The following SLC16A13 variants were observed in gnomAD, a reference collection of about 807,000 sequenced individuals.
SLC16A13 encodes the protein solute carrier family 16 member 13, also known as monocarboxylate transporter 13.
A neutral mutation model predicts 28.1 loss-of-function variants in SLC16A13; 28 were observed. The observed-to-expected ratio is 1.00, with a 90% CI of 0.74 to 1.37. The LOEUF is 1.37. SLC16A13 is among the 40% of genes most tolerant of loss of function. The probability of loss-of-function intolerance (pLI) is 0.00; values close to 1 mark genes in which losing one functional copy is unlikely to be tolerated. For missense variants in SLC16A13, 482 were observed against 531.8 expected (o/e 0.91, Z 0.92); for synonymous variants, 228 against 241.6 (o/e 0.94, Z 0.52).
In SLC16A13 at chr17:7,038,263, C is replaced by G. The variant is rs746404092; in HGVS notation, c.455C>G (p.Ser152Cys). 5 of 1,614,084 alleles carry G rather than the reference C, an allele frequency of 3.1e-6. No homozygotes were observed. In the East Asian group the frequency reaches 8.9e-5, roughly 29 times the overall value. ...GLALTGVGLS[S>C]FTFAPFFQWL... is the part of the protein sequence containing the mutation. The stretch of plus-strand genomic sequence containing the variant: ...GCACTGACAGGCGTGGGCCTCTCCT[C>G]CTTCACATTTGCCCCCTTTTTCCAG... Residue 152 changes from serine (S) to cysteine (C), a missense_variant, in exon 3 of 4, where the codon TCC (serine) becomes TGC (cysteine). By Grantham distance (112) the Ser-to-Cys change is moderately radical. Coordinates refer to ENST00000308027, the MANE Select transcript of SLC16A13 (RefSeq NM_201566.3). The surrounding 1 kb of genome is among the most constrained non-coding windows in gnomAD (Gnocchi z 5.7).
rs1402071237 is a variant in SLC16A13, at chr17:7,038,559, G to C, written c.751G>C (p.Ala251Pro). ...GGACCTGGATTGGGACCCACTACCT[G>C]CTGCCTTCCTACTCTCAGTTGTTGC... ...LQDLDWDPLP[A>P]AFLLSVVAIS... The change falls in exon 3 of 4, where the codon GCT becomes CCT. Residue 251 changes from alanine (A) to proline (P), a missense_variant. Transcript: ENST00000308027. This position sits in a 1 kb window ranked among gnomAD's most constrained non-coding sequence, Gnocchi z 5.7. The C allele has an allele frequency of 1.2e-6, 2 of 1,614,214 alleles. No individual in the cohort carries two copies. The highest frequency in any genetic ancestry group is 1.7e-6 in the Non-Finnish European group (2 of 1,180,048).
chr17:7,036,908 A>G (rs1392513372), intron 2 of SLC16A13, 38 bp downstream of exon 2: 2 of 1,600,880 alleles, frequency 1.2e-6, no homozygotes, highest in East Asian at 2.2e-5. Flanking sequence ...TCAAATGCTT[A>G]GATCGTTGGA....
chr17:7,039,697 G>GT lies in SLC16A13; in HGVS notation c.1082-65dup. On this transcript the variant is annotated intron_variant, in intron 3 of 3. Coordinates refer to ENST00000308027, the MANE Select transcript of SLC16A13 (RefSeq NM_201566.3). This position sits in a 1 kb window ranked among gnomAD's most constrained non-coding sequence, Gnocchi z 4.3. ...ATAAGTCTTCCCTCCACCCAAAAAT[G>GT]TATCTGAGCCCTCAGCCCCAGCAAA... 6.4e-7 allele frequency: 1 copy of GT among 1,552,936 alleles called. No homozygotes were observed. The highest frequency in any genetic ancestry group is 8.9e-7 in the Non-Finnish European group (1 of 1,128,850).
rs780871003 is a variant in SLC16A13 at position 7,039,809 on chromosome 17, G to A, written c.1128G>A (p.Val376=). 1.2e-6 allele frequency: 2 copies of A among 1,614,012 alleles called. No individual in the cohort carries two copies. The highest frequency in any genetic ancestry group is 3.3e-5 in the Admixed American group (2 of 59,994). The change falls in exon 4 of 4, where the codon GTG becomes GTA. Residue 376 remains valine, a synonymous_variant. Coordinates refer to ENST00000308027, the MANE Select transcript of SLC16A13 (RefSeq NM_201566.3). The surrounding 1 kb of genome is among the most constrained non-coding windows in gnomAD (Gnocchi z 4.3). ...GCAACTACACGGCTTCTTTTGTGGTGGCTGGGGCCTTCCTTCTTTCAGGGA... is the reference window on the plus strand; with the variant it reads ...GCAACTACACGGCTTCTTTTGTGGTAGCTGGGGCCTTCCTTCTTTCAGGGA... ...VTGNYTASFV[V]AGAFLLSGSG... is the part of the protein sequence containing the mutation.
rs1422053906 is a variant in SLC16A13 at position 7,038,808 on chromosome 17, G to A, written c.1000G>A (p.Gly334Arg). Residue 334 changes from glycine (G) to arginine (R), a missense_variant, in exon 3 of 4, where the codon GGG becomes AGG. By Grantham distance (125) the Gly-to-Arg change is moderately radical. Coordinates refer to ENST00000308027, the MANE Select transcript of SLC16A13 (RefSeq NM_201566.3). The surrounding 1 kb of genome is among the most constrained non-coding windows in gnomAD (Gnocchi z 5.7). ...LAFSVLPELI[G>R]TRRIYCGLGL... ...CTTCTCCGTGCTGCCTGAACTAATA[G>A]GGACTAGAAGGATTTACTGTGGCCT... 2 of 1,613,876 alleles carry A rather than the reference G, an allele frequency of 1.2e-6. No homozygotes were observed. The highest frequency in any genetic ancestry group is 1.3e-5 in the African/African-American group (1 of 74,922).
At position 7,038,407 on chromosome 17, in the gene SLC16A13, T is replaced by A. The variant is rs61747374; in HGVS notation, c.599T>A (p.Val200Glu). ...RPPSLAEDPA[V>E]GGPRAQLTSL... is the part of the protein sequence containing the mutation. Reference sequence around the variant, plus strand: ...CCCTCCCTGGCTGAGGACCCTGCTGTGGGTGGTCCCAGGGCCCAACTCACC... The same window carrying A: ...CCCTCCCTGGCTGAGGACCCTGCTGAGGGTGGTCCCAGGGCCCAACTCACC... The change falls in exon 3 of 4, where the codon GTG (valine) becomes GAG (glutamate). Residue 200 changes from valine to glutamate, a missense_variant. By Grantham distance (121) the Val-to-Glu change is moderately radical. Coordinates refer to ENST00000308027, the MANE Select transcript of SLC16A13 (RefSeq NM_201566.3). This position sits in a 1 kb window ranked among gnomAD's most constrained non-coding sequence, Gnocchi z 5.7. 521 of 1,614,112 alleles carry A rather than the reference T, an allele frequency of 3.2e-4. No individual in the cohort carries two copies. The African/African-American group carries it at 6.1e-3, about 19-fold the overall frequency.
chr17:7,038,521 T>C lies in SLC16A13; in HGVS notation c.713T>C (p.Val238Ala). Residue 238 changes from valine to alanine, a missense_variant, in exon 3 of 4, where the codon GTG (valine) becomes GCG (alanine). Val to Ala is a moderately conservative substitution (Grantham distance 64). Transcript: ENST00000308027. The surrounding 1 kb of genome is among the most constrained non-coding windows in gnomAD (Gnocchi z 5.7). ...TACTTCATTCCCTACCTCCACCTGG[T>C]GGCCCATCTCCAGGACCTGGATTGG... ...TGYFIPYLHL[V>A]AHLQDLDWDP... 1.2e-6 allele frequency: 2 copies of C among 1,614,220 alleles called. No homozygotes were observed. The highest frequency in any genetic ancestry group is 1.7e-6 in the Non-Finnish European group (2 of 1,180,026).
rs1910669751 is a variant in SLC16A13, at chr17:7,039,639, C to CTAT, written c.1082-122_1082-120dup. Reference sequence around the variant, plus strand: ...AACCAGAGTTCTTAAGTTTATCCAACTATTCCATGGGAGTTCCAACTCCTC... The same window carrying CTAT: ...AACCAGAGTTCTTAAGTTTATCCAACTATTATTCCATGGGAGTTCCAACTCCTC... On this transcript the variant is annotated intron_variant, in intron 3 of 3. Transcript: ENST00000308027. The surrounding 1 kb of genome is among the most constrained non-coding windows in gnomAD (Gnocchi z 4.3). 2.0e-6 allele frequency: 2 copies of CTAT among 995,996 alleles called. No homozygotes were observed. Among genetic ancestry groups the CTAT allele is most frequent in the Non-Finnish European group, 3.0e-6 (2 of 669,270 alleles). The allele number at this position is 995,996 out of a possible 1,614,324, so 61.7% of individuals were successfully genotyped here.
At position 7,036,272 on chromosome 17, in the gene SLC16A13, C is replaced by T. The variant is rs1355778495; in HGVS notation, c.-111C>T. ...CCTTCCTCTCTACCTGCCTCTCCAA[C>T]CCCTCTCGGCCCCGAGCCACCCGGC... is the stretch of plus-strand genomic sequence containing the variant. On this transcript the variant is annotated 5_prime_UTR_variant, in exon 1 of 4. Transcript: ENST00000308027. 1 of 1,124,358 alleles carries T rather than the reference C, an allele frequency of 8.9e-7. No homozygotes were observed. The allele number at this position is 1,124,358 out of a possible 1,614,324, so 69.6% of individuals were successfully genotyped here. A position where few individuals can be genotyped will look rare whatever the true frequency, so the allele number is the denominator to read the frequency against.
Position 7,036,335 on chromosome 17 carries a change from C to A in SLC16A13, c.-48C>A. On this transcript the variant is annotated 5_prime_UTR_variant, in exon 1 of 4. Transcript: ENST00000308027. ...TGTGCAGAGGTGCGGCGTCCAGAAC[C>A]CGGCTCCTGCAGAGGCTCTGGGTGG... 6.4e-7 allele frequency: 1 copy of A among 1,554,554 alleles called. No homozygotes were observed.
In SLC16A13 at chr17:7,038,480, C is replaced by A. The variant is rs1274698167; in HGVS notation, c.672C>A (p.Thr224=). 6.2e-7 allele frequency: 1 copy of A among 1,614,230 alleles called. No homozygotes were observed. The highest frequency in any genetic ancestry group is 2.2e-5 in the East Asian group (1 of 44,892). The change falls in exon 3 of 4, where the codon ACC becomes ACA. Residue 224 remains threonine, a synonymous_variant. Transcript: ENST00000308027. The surrounding 1 kb of genome is among the most constrained non-coding windows in gnomAD (Gnocchi z 5.7). ...GPFLRYTVAL[T]LINTGYFIPY... is the part of the protein sequence containing the mutation. ...TCCTCCGTTACACTGTTGCCCTCAC[C>A]CTGATCAACACTGGCTACTTCATTC...
In SLC16A13 at chr17:7,036,301, G is replaced by A; in HGVS notation, c.-82G>A. On this transcript the variant is annotated 5_prime_UTR_variant, in exon 1 of 4. Transcript: ENST00000308027. ...TCTCGGCCCCGAGCCACCCGGCAGCGGGGGTGGGTGTGCAGAGGTGCGGCG... is the reference window on the plus strand; with the variant it reads ...TCTCGGCCCCGAGCCACCCGGCAGCAGGGGTGGGTGTGCAGAGGTGCGGCG... 1 of 1,412,474 alleles carries A rather than the reference G, an allele frequency of 7.1e-7. No individual in the cohort carries two copies. Among genetic ancestry groups the A allele is most frequent in the Non-Finnish European group, 9.6e-7 (1 of 1,042,074 alleles). 87.5% of individuals were successfully genotyped at this position (1,412,474 alleles called of 1,614,324 possible). A position where few individuals can be genotyped will look rare whatever the true frequency, so the allele number is the denominator to read the frequency against.
rs985184707 is a variant in SLC16A13 at position 7,036,102 on chromosome 17, G to C, written c.-281G>C. 3 of 365,464 alleles carry C rather than the reference G, an allele frequency of 8.2e-6. No homozygotes were observed. Among genetic ancestry groups the C allele is most frequent in the Non-Finnish European group, 1.5e-5 (3 of 201,142 alleles). 22.6% of individuals were successfully genotyped at this position (365,464 alleles called of 1,614,324 possible). A position where few individuals can be genotyped will look rare whatever the true frequency, so the allele number is the denominator to read the frequency against. The stretch of plus-strand genomic sequence containing the variant: ...CCGAACACCGAACCGGGACCGATCC[G>C]GCCCCGGCTTGAACTAGCTCAGCTC... On this transcript the variant is annotated 5_prime_UTR_variant, in exon 1 of 4. Transcript: ENST00000308027.
In SLC16A13 at chr17:7,039,755, G is replaced by A; in HGVS notation, c.1082-8G>A. On this transcript the variant is annotated splice_region_variant and splice_polypyrimidine_tract_variant and intron_variant, in intron 3 of 3. Coordinates refer to ENST00000308027, the MANE Select transcript of SLC16A13 (RefSeq NM_201566.3). This position sits in a 1 kb window ranked among gnomAD's most constrained non-coding sequence, Gnocchi z 4.3. ...CTCATGTGTATTCTTTTTCTCTCTTGGACCTAGGCTACCTCCGGGATGTGA... is the reference window on the plus strand; with the variant it reads ...CTCATGTGTATTCTTTTTCTCTCTTAGACCTAGGCTACCTCCGGGATGTGA... The A allele has an allele frequency of 1.2e-6, 2 of 1,614,036 alleles. No homozygotes were observed. Among genetic ancestry groups the A allele is most frequent in the Non-Finnish European group, 1.7e-6 (2 of 1,179,950 alleles).
intron 2 of SLC16A13, 121 bp downstream of exon 2, chr17:7,036,991 C>A: frequency 1.7e-6 from 2 of 1,205,252 alleles, no homozygotes; most frequent in South Asian, 1.4e-5. Flanking sequence ...GCACCTGTAC[C>A]CAGAAGGGAA....
Position 7,036,285 on chromosome 17 carries a change from C to G in SLC16A13, c.-98C>G. The G allele has an allele frequency of 1.5e-6, 2 of 1,324,238 alleles. No homozygotes were observed. The highest frequency in any genetic ancestry group is 1.4e-5 in the South Asian group (1 of 71,154). 82.0% of individuals were successfully genotyped at this position (1,324,238 alleles called of 1,614,324 possible). ...CTGCCTCTCCAACCCCTCTCGGCCCCGAGCCACCCGGCAGCGGGGGTGGGT... is the reference window on the plus strand; with the variant it reads ...CTGCCTCTCCAACCCCTCTCGGCCCGGAGCCACCCGGCAGCGGGGGTGGGT... On this transcript the variant is annotated 5_prime_UTR_variant, in exon 1 of 4. Coordinates refer to ENST00000308027, the MANE Select transcript of SLC16A13 (RefSeq NM_201566.3).
chr17:7,037,037 G>GAGGAATT (rs2151668167), intron 2 of SLC16A13, 167 bp downstream of exon 2: 2 of 863,288 alleles, frequency 2.3e-6, no homozygotes, highest in East Asian at 5.3e-5. Flanking sequence ...CAAACATGGT[G>GAGGAATT]AGGAATTAGG....
At position 7,036,419 on chromosome 17, in the gene SLC16A13, G is replaced by A. The variant is rs376704278; in HGVS notation, c.37G>A (p.Gly13Arg). 93 of 1,611,918 alleles carry A rather than the reference G, an allele frequency of 5.8e-5. No homozygotes were observed. Among genetic ancestry groups the A allele is most frequent in the Non-Finnish European group, 7.8e-5 (92 of 1,179,938 alleles). ...RRTEPPDGGW[G>R]WVVVLSAFFQ... ...GACAGAGCCCCCCGACGGGGGCTGG[G>A]GATGGGTGGTGGTGCTCTCAGCGTT... The change falls in exon 1 of 4, where the codon GGA (glycine) becomes AGA (arginine). Residue 13 changes from glycine (G) to arginine (R), a missense_variant. Physicochemically the swap from Gly to Arg is moderately radical, Grantham distance 125. Transcript: ENST00000308027.
chr17:7,039,769 T>C lies in SLC16A13; in HGVS notation c.1088T>C (p.Leu363Pro). ...TTTTCTCTCTTGGACCTAGGCTACC[T>C]CCGGGATGTGACAGGCAACTACACG... The part of the protein sequence containing the change: ...GLLGPPLSGY[L>P]RDVTGNYTAS... Residue 363 changes from leucine (L) to proline (P), a missense_variant, in exon 4 of 4, where the codon CTC becomes CCC. Transcript: ENST00000308027. This position sits in a 1 kb window ranked among gnomAD's most constrained non-coding sequence, Gnocchi z 4.3. The C allele has an allele frequency of 6.2e-7, 1 of 1,614,132 alleles. No homozygotes were observed. The highest frequency in any genetic ancestry group is 8.5e-7 in the Non-Finnish European group (1 of 1,180,014).
Sources: gnomAD v4.1 joint callset for allele counts on GRCh38, gnomAD v4.1.1 for gene constraint, Gnocchi (gnomAD v3.1) non-coding constraint, MANE v1.5 for transcripts, NCBI Gene and HGNC (gene_info 2026-07-23, HGNC 2026-07-21) for gene names.